CEP128: variants seen among roughly 807,000 people sequenced by gnomAD.
The protein encoded by CEP128 is centrosomal protein 128, also known as centrosomal protein 128kDa.
CEP128 carries 132 observed loss-of-function variants against 156.7 expected under a neutral mutation model. The observed-to-expected ratio is 0.84, with a 90% CI of 0.73 to 0.97. CEP128 has a LOEUF of 0.97. Among genes scored for constraint, CEP128 ranks in the 50% least tolerant of loss-of-function variants. The pLI, the probability that CEP128 is intolerant of heterozygous loss-of-function variation, is 0.00. For synonymous variants in CEP128, 469 were observed against 448.9 expected (o/e 1.04, Z -0.57); for missense variants, 1,252 against 1,281.9 (o/e 0.98, Z 0.36).
At position 80,817,774 on chromosome 14, in the gene CEP128, G is replaced by A. The variant is rs530767813; in HGVS notation, c.1209+13369C>T. 3.4e-4 allele frequency among the ~76,000 whole-genome samples: 51 copies of A among 151,992 alleles called. No individual in the cohort carries two copies. The East Asian group carries it at 8.3e-3, about 25-fold the overall frequency. On this transcript the variant is annotated intron_variant, in intron 13 of 24. Transcript: ENST00000555265. ...CACGCGCCTGTAGTCCTGGCTACTC[G>A]GGAGGCTGAGACAGGGGAATCACTT...
At chr14:80,647,216 T>C (rs558841962) in intron 19 of CEP128, among the ~76,000 whole-genome samples, 1 of 151,030 alleles carries the variant, frequency 6.6e-6, no homozygotes, top group South Asian at 2.1e-4. Flanking sequence ...AAACACAATA[T>C]ATTATCACCT....
chr14:80,923,019 A>T (rs1884959445), intron 2 of CEP128, among the ~76,000 whole-genome samples: 1 of 152,216 alleles, frequency 6.6e-6, no homozygotes, highest in Non-Finnish European at 1.5e-5. Flanking sequence ...TTCAGACGTG[A>T]GCTTTTTCCA....
chr14:80,928,175 C>G (rs555554200), intron 2 of CEP128, among the ~76,000 whole-genome samples: 1 of 152,290 alleles, frequency 6.6e-6, no homozygotes, highest in African/African-American at 2.4e-5. Context: ...TTAGAAGAAA[C>G]AGTCTACCCA....
At chr14:80,537,925 T>C (rs1437260732) in intron 21 of CEP128, among the ~76,000 whole-genome samples, 5 of 152,210 alleles carry the variant, frequency 3.3e-5, no homozygotes, top group Non-Finnish European at 7.4e-5. Flanking sequence ...ACTTGTGTTT[T>C]GTGATTTTGG....
At chr14:80,829,203 C>G (rs1315514101) in intron 13 of CEP128, among the ~76,000 whole-genome samples, 4 of 152,226 alleles carry the variant, frequency 2.6e-5, no homozygotes, top group South Asian at 2.1e-4. Context: ...AAATCAGAAA[C>G]AGCTGCAAAT....
At chr14:80,693,819 T>C (rs1222794572) in intron 19 of CEP128, among the ~76,000 whole-genome samples, 12 of 152,192 alleles carry the variant, frequency 7.9e-5, no homozygotes. Flanking sequence ...TATAATTTGG[T>C]TGAAACTTAG....
intron 19 of CEP128, among the ~76,000 whole-genome samples, chr14:80,592,934 C>T (rs547308030): frequency 2.2e-4 from 34 of 152,200 alleles, no homozygotes; most frequent in Middle Eastern, 3.4e-3. Context: ...AAAAGGACTT[C>T]GACAAAATTC....
intron 21 of CEP128, among the ~76,000 whole-genome samples, chr14:80,552,954 T>A (rs930424810): frequency 6.6e-6 from 1 of 152,070 alleles, no homozygotes; most frequent in Non-Finnish European, 1.5e-5. Context: ...TTCCAATGCC[T>A]TGTTTGCCTT....
chr14:80,861,440 G>A lies in CEP128; in HGVS notation c.762+1317C>T, dbSNP rs191017542. Among the ~76,000 whole-genome samples, 106 of 152,138 alleles carry A rather than the reference G, an allele frequency of 7.0e-4. No homozygotes were observed. The East Asian group carries it at 0.016, about 22-fold the overall frequency. On this transcript the variant is annotated intron_variant, in intron 9 of 24. Coordinates refer to ENST00000555265, the MANE Select transcript of CEP128 (RefSeq NM_152446.5). ...CAAGTGTTCAGTTTTCACCAGTAAT[G>A]TAACAAATCAACATTATATGACTCC... is the stretch of plus-strand genomic sequence containing the variant.
chr14:80,497,785 TTTTTA>T (rs1384050896), intron 24 of CEP128, among the ~76,000 whole-genome samples: 2 of 152,190 alleles, frequency 1.3e-5, no homozygotes, highest in Non-Finnish European at 2.9e-5. Context: ...AGAATTAAAC[TTTTTA>T]TTTTATTTGA....
intron 15 of CEP128, among the ~76,000 whole-genome samples, chr14:80,778,843 C>T (rs1900944535): frequency 6.6e-6 from 1 of 152,194 alleles, no homozygotes; most frequent in Non-Finnish European, 1.5e-5. Flanking sequence ...CCAGACACTG[C>T]TCTAAGACTT....
At chr14:80,758,483 T>C (rs1440877416) in intron 17 of CEP128, among the ~76,000 whole-genome samples, 2 of 149,852 alleles carry the variant, frequency 1.3e-5, no homozygotes, top group East Asian at 4.0e-4. Flanking sequence ...GATCGTGCCA[T>C]TGCACTCCAG....
intron 8 of CEP128, among the ~76,000 whole-genome samples, chr14:80,873,389 A>C (rs1456481757): frequency 6.6e-6 from 1 of 152,252 alleles, no homozygotes; most frequent in Non-Finnish European, 1.5e-5. Context: ...ATATATAGAT[A>C]ATACTTACTA....
chr14:80,932,326 G>A lies in CEP128; in HGVS notation c.-16+7059C>T, dbSNP rs142079818. Among the ~76,000 whole-genome samples the A allele has an allele frequency of 4.1e-3, 617 of 152,312 alleles. 1 individual carries two copies. The highest frequency in any genetic ancestry group is 5.3e-3 in the Non-Finnish European group (362 of 68,030). On this transcript the variant is annotated intron_variant, in intron 2 of 24. Transcript: ENST00000555265. Reference sequence around the variant, plus strand: ...CCCCAAATTGGGAAGAAATGGTTCCGCAACCCACTTGTAAATAAACCAGGT... The same window carrying A: ...CCCCAAATTGGGAAGAAATGGTTCCACAACCCACTTGTAAATAAACCAGGT...
intron 18 of CEP128, among the ~76,000 whole-genome samples, chr14:80,750,765 T>TAAC (rs1018812833): frequency 2.0e-5 from 3 of 152,096 alleles, no homozygotes; most frequent in Non-Finnish European, 4.4e-5. Context: ...AACAAAACAA[T>TAAC]AACAACAACA....
intron 17 of CEP128, among the ~76,000 whole-genome samples, 194 bp downstream of exon 17, chr14:80,761,243 G>T (rs1434296642): frequency 6.7e-6 from 1 of 148,864 alleles, no homozygotes; most frequent in Non-Finnish European, 1.5e-5. Flanking sequence ...CCAATTCAAT[G>T]AAATAACATC....
chr14:80,801,750 T>A (rs1883868918), intron 13 of CEP128, among the ~76,000 whole-genome samples: 1 of 151,086 alleles, frequency 6.6e-6, no homozygotes. Flanking sequence ...CTACTAAAAA[T>A]ACAAAAAATT....
rs377120230 is a variant in CEP128, at chr14:80,638,002, G to A, written c.2807-57579C>T. Reference sequence around the variant, plus strand: ...ACTTTGATTTTGGCTCAGCAAAACTGACTTCAGACTTCTGGCCTCCAAAAC... The same window carrying A: ...ACTTTGATTTTGGCTCAGCAAAACTAACTTCAGACTTCTGGCCTCCAAAAC... On this transcript the variant is annotated intron_variant, in intron 19 of 24. Coordinates refer to ENST00000555265, the MANE Select transcript of CEP128 (RefSeq NM_152446.5). 2.3e-3 allele frequency among the ~76,000 whole-genome samples: 356 copies of A among 152,242 alleles called. 2 individuals are homozygous for A. Among genetic ancestry groups the A allele is most frequent in the African/African-American group, 7.8e-3 (325 of 41,532 alleles).
chr14:80,698,469 T>C (rs114971836), intron 19 of CEP128, among the ~76,000 whole-genome samples: 2,199 of 152,270 alleles, frequency 0.014, 58 homozygotes, highest in African/African-American at 0.05. Flanking sequence ...GTAGGTACTA[T>C]GTCCATTTTA....
Sources: gnomAD v4.1 joint callset for allele counts (sites outside exome capture counted in the v4.1 genomes callset) on GRCh38, gnomAD v4.1.1 for gene constraint, MANE v1.5 for transcripts, NCBI Gene and HGNC (gene_info 2026-07-23, HGNC 2026-07-21) for gene names.